The following ZER1 variants were observed in gnomAD, a reference collection of about 807,000 sequenced individuals.
ZER1 encodes zyg-11 related cell cycle regulator.
ZER1 carries 11 observed loss-of-function variants against 78.8 expected under a neutral mutation model. That is an observed-to-expected ratio of 0.14 (90% CI 0.09 to 0.23). The LOEUF (loss-of-function observed/expected upper bound fraction) is 0.23, where lower values mean the gene tolerates loss of function less well. ZER1 is among the 10% of genes least tolerant of loss of function. The pLI, the probability that ZER1 is intolerant of heterozygous loss-of-function variation, is 1.00. For synonymous variants in ZER1, 400 were observed against 407.0 expected, an observed-to-expected ratio of 0.98 and a Z score of 0.21; for missense variants, 588 against 996.9, an observed-to-expected ratio of 0.59 and a Z score of 5.52.
At chr9:128,743,256 T>C (rs888382290) in intron 8 of ZER1, among the ~76,000 whole-genome samples, 1 of 152,086 alleles carries the variant, frequency 6.6e-6, no homozygotes, top group Admixed American at 6.5e-5. Context: ...TAGCTGGGAT[T>C]ACAGGCGTGC....
At position 128,771,897 on chromosome 9, in the gene ZER1, A is replaced by AGCC. The variant is rs1291587407; in HGVS notation, c.-414_-412dup. On this transcript the variant is annotated 5_prime_UTR_variant, in exon 1 of 16. Transcript: ENST00000291900. The stretch of plus-strand genomic sequence containing the variant: ...CCGGCTCCTACGGCTCGGAGCCTGC[A>AGCC]GCCGCCGCCGCCTCCGCTGTCAACA... 2.0e-5 allele frequency: 3 copies of AGCC among 152,144 alleles called. No individual in the cohort carries two copies. The highest frequency in any genetic ancestry group is 1.3e-4 in the Admixed American group (2 of 15,268). 9.4% of individuals were successfully genotyped at this position (152,144 alleles called of 1,614,324 possible).
intron 15 of ZER1, chr9:128,733,197 A>G (rs1414466537): frequency 6.1e-6 from 3 of 488,226 alleles, no homozygotes; most frequent in African/African-American, 3.8e-5. Flanking sequence ...CTTACAAACG[A>G]GGGCCCTGAT....
intron 13 of ZER1, among the ~76,000 whole-genome samples, chr9:128,738,425 G>A (rs546967933): frequency 2.1e-4 from 31 of 148,644 alleles, no homozygotes; most frequent in African/African-American, 6.9e-4. Context: ...TCGCTCTGTC[G>A]CCCAGGCTGG....
At chr9:128,761,300 T>C (rs1189931263) in intron 1 of ZER1, among the ~76,000 whole-genome samples, 6 of 152,078 alleles carry the variant, frequency 3.9e-5, no homozygotes, top group Non-Finnish European at 1.5e-5. Flanking sequence ...CACCTTTTTT[T>C]TCTTTTTTCA....
chr9:128,771,516 C>G (rs552034433), intron 1 of ZER1, 65 bp downstream of exon 1: 34 of 152,618 alleles, frequency 2.2e-4, no homozygotes, highest in African/African-American at 7.7e-4. Context: ...ATGCTTAGGC[C>G]CCGTAGGCAG....
chr9:128,738,118 A>C (rs1224130371), intron 13 of ZER1, among the ~76,000 whole-genome samples: 2 of 143,578 alleles, frequency 1.4e-5, no homozygotes, highest in Non-Finnish European at 3.0e-5. Context: ...GATCTTGGCT[A>C]ACTGCAAGCT....
At chr9:128,749,283 G>A (rs967785214) in intron 8 of ZER1, among the ~76,000 whole-genome samples, 18 of 151,588 alleles carry the variant, frequency 1.2e-4, no homozygotes, top group South Asian at 8.4e-4. Flanking sequence ...AGCCAAGATT[G>A]TGCACTGCAC....
At chr9:128,770,090 C>G (rs1051054151) in intron 1 of ZER1, among the ~76,000 whole-genome samples, 4 of 152,092 alleles carry the variant, frequency 2.6e-5, no homozygotes, top group African/African-American at 9.7e-5. Flanking sequence ...TCTTCCCTTT[C>G]TTCAACCTGC....
chr9:128,748,489 T>G, intron 8 of ZER1, among the ~76,000 whole-genome samples: 1 of 151,816 alleles, frequency 6.6e-6, no homozygotes, highest in East Asian at 1.9e-4. Context: ...GAGGCTTGCT[T>G]GAGCCTGAGA....
chr9:128,732,513 G>A lies in ZER1; in HGVS notation c.2243+913C>T, dbSNP rs1455877236. On this transcript the variant is annotated intron_variant, in intron 15 of 15. Transcript: ENST00000291900. This position sits in a 1 kb window ranked among gnomAD's most constrained non-coding sequence, Gnocchi z 4.8. The stretch of plus-strand genomic sequence containing the variant: ...GCCTCCCAAGTGGCTGGGATTACAG[G>A]CACGTACCACCACGCCGAGCTAATT... Among the ~76,000 whole-genome samples the A allele has an allele frequency of 6.6e-6, 1 of 152,118 alleles. No individual in the cohort carries two copies. Among genetic ancestry groups the A allele is most frequent in the Non-Finnish European group, 1.5e-5 (1 of 68,036 alleles).
intron 7 of ZER1, 44 bp from the exon 8 acceptor site, chr9:128,750,833 A>G (rs2132441477): frequency 6.2e-7 from 1 of 1,609,404 alleles, no homozygotes; most frequent in East Asian, 2.2e-5. Context: ...GTGCAGGGAG[A>G]GGCCTGGGCT....
At chr9:128,763,156 C>T (rs1864100666) in intron 1 of ZER1, among the ~76,000 whole-genome samples, 1 of 152,180 alleles carries the variant, frequency 6.6e-6, no homozygotes. Flanking sequence ...CTGCCTTCTC[C>T]CCTCCCCTAC....
intron 1 of ZER1, among the ~76,000 whole-genome samples, chr9:128,770,187 A>C (rs1484775390): frequency 6.6e-6 from 1 of 152,018 alleles, no homozygotes; most frequent in Non-Finnish European, 1.5e-5. Flanking sequence ...CAATGGGCAC[A>C]ATCTCGGCTC....
At chr9:128,756,076 T>A (rs1863849178) in intron 1 of ZER1, among the ~76,000 whole-genome samples, 1 of 152,192 alleles carries the variant, frequency 6.6e-6, no homozygotes, top group Non-Finnish European at 1.5e-5. Flanking sequence ...CATATAGACA[T>A]GATATCACTG....
Position 128,751,633 on chromosome 9 carries a change from C to A in ZER1, c.924-106G>T. On this transcript the variant is annotated intron_variant, in intron 5 of 15. Coordinates refer to ENST00000291900, the MANE Select transcript of ZER1 (RefSeq NM_006336.4). The surrounding 1 kb of genome is among the most constrained non-coding windows in gnomAD (Gnocchi z 5.4). ...TCCTTGCTTTCTCTTCTAGGCCCTC[C>A]AACCTCATCCCCTACTCCTTTTGTT... 1.2e-6 allele frequency: 1 copy of A among 847,948 alleles called. No individual in the cohort carries two copies. The highest frequency in any genetic ancestry group is 1.9e-6 in the Non-Finnish European group (1 of 525,734). 52.5% of individuals were successfully genotyped at this position (847,948 alleles called of 1,614,324 possible).
chr9:128,750,411 C>A (rs1462637264), intron 8 of ZER1, among the ~76,000 whole-genome samples: 1 of 152,186 alleles, frequency 6.6e-6, no homozygotes, highest in Admixed American at 6.5e-5. Context: ...CCCCCACCCC[C>A]ACATGGGGCA....
rs760555505 is a variant in ZER1 at position 128,735,438 on chromosome 9, G to A, written c.2043-7C>T. 10 of 1,612,896 alleles carry A rather than the reference G, an allele frequency of 6.2e-6. No individual in the cohort carries two copies. The highest frequency in any genetic ancestry group is 1.7e-6 in the Non-Finnish European group (2 of 1,179,348). On this transcript the variant is annotated splice_polypyrimidine_tract_variant and splice_region_variant and intron_variant, in intron 13 of 15. Coordinates refer to ENST00000291900, the MANE Select transcript of ZER1 (RefSeq NM_006336.4). ...GAGAATTGGTTCAAATGACCTGCAG[G>A]AAAAGAAATCAAGGTCACTGTGGAT...
At chr9:128,734,144 A>AATATATATATAT (rs1220785593) in intron 14 of ZER1, among the ~76,000 whole-genome samples, 33 of 14,420 alleles carry the variant, frequency 2.3e-3, no homozygotes, top group African/African-American at 5.1e-3. Flanking sequence ...AAAAAAAAAA[A>AATATATATATAT]ATATATATAT....
chr9:128,755,312 C>G lies in ZER1; in HGVS notation c.158+96G>C. The G allele has an allele frequency of 6.5e-7, 1 of 1,528,168 alleles. No individual in the cohort carries two copies. The highest frequency in any genetic ancestry group is 1.2e-5 in the South Asian group (1 of 82,898). The allele number at this position is 1,528,168 out of a possible 1,614,324, so 94.7% of individuals were successfully genotyped here. ...ACACACACCCTCACACATTCATCTC[C>G]ATAGCTACTCCCCACATAGTGCACA... On this transcript the variant is annotated intron_variant, in intron 2 of 15. Coordinates refer to ENST00000291900, the MANE Select transcript of ZER1 (RefSeq NM_006336.4). The surrounding 1 kb of genome is among the most constrained non-coding windows in gnomAD (Gnocchi z 5.6).
Sources: gnomAD v4.1 joint callset for allele counts (sites outside exome capture counted in the v4.1 genomes callset) on GRCh38, gnomAD v4.1.1 for gene constraint, Gnocchi (gnomAD v3.1) non-coding constraint, MANE v1.5 for transcripts, NCBI Gene and HGNC (gene_info 2026-07-23, HGNC 2026-07-21) for gene names.